VAV3: variants seen among roughly 807,000 people sequenced by gnomAD.
VAV3 encodes vav guanine nucleotide exchange factor 3.
VAV3 carries 94 observed loss-of-function variants against 131.2 expected under a neutral mutation model. The ratio of observed to expected loss-of-function variants is 0.72; its 90% CI spans 0.61 to 0.85. VAV3 has a LOEUF of 0.85. Ranked by LOEUF, VAV3 falls within the 40% of genes least tolerant of loss-of-function variation. The pLI is 0.00. For synonymous variants in VAV3, 349 were observed against 342.0 expected, an observed-to-expected ratio of 1.02 and a Z score of -0.22; for missense variants, 939 against 1,002.7, an observed-to-expected ratio of 0.94 and a Z score of 0.86.
intron 15 of VAV3, among the ~76,000 whole-genome samples, chr1:107,744,408 A>T (rs1392420576): frequency 6.6e-6 from 1 of 152,188 alleles, no homozygotes; most frequent in Non-Finnish European, 1.5e-5. Flanking sequence ...GGTAAATGAG[A>T]ATTGTTAGAA....
chr1:107,592,956 T>A (rs1651083053), intron 25 of VAV3, among the ~76,000 whole-genome samples: 1 of 152,140 alleles, frequency 6.6e-6, no homozygotes, highest in African/African-American at 2.4e-5. Context: ...ACATCTTTCA[T>A]GGAGTCACTG....
At chr1:107,774,444 A>AAC (rs1017373724) in intron 4 of VAV3, among the ~76,000 whole-genome samples, 5 of 152,240 alleles carry the variant, frequency 3.3e-5, no homozygotes, top group Non-Finnish European at 5.9e-5. Flanking sequence ...CACAAACGCA[A>AAC]ACACACACAC....
chr1:107,770,764 A>G, intron 5 of VAV3, 36 bp from the exon 6 acceptor site: 2 of 1,495,572 alleles, frequency 1.3e-6, no homozygotes, highest in Non-Finnish European at 1.8e-6. Context: ...ATGATTTAAT[A>G]AAATCATATA....
At chr1:107,577,970 C>G (rs1198446392) in intron 25 of VAV3, among the ~76,000 whole-genome samples, 1 of 152,194 alleles carries the variant, frequency 6.6e-6, no homozygotes, top group African/African-American at 2.4e-5. Context: ...ACATCATCTT[C>G]CAATATATTC....
chr1:107,669,270 C>A, intron 19 of VAV3: 3 of 1,273,034 alleles, frequency 2.4e-6, no homozygotes, highest in Non-Finnish European at 3.0e-6. Flanking sequence ...TCTTCTTTAT[C>A]CTTCGCTGTG....
At chr1:107,783,447 C>T (rs12754339) in intron 2 of VAV3, among the ~76,000 whole-genome samples, 17,944 of 152,112 alleles carry the variant, frequency 0.12, 1,198 homozygotes, top group Non-Finnish European at 0.14. Context: ...GTAGCTGATG[C>T]TCTGTGAGGG....
rs538146760 is a variant in VAV3, at chr1:107,676,013, A to G, written c.1777+7475T>C. Among the ~76,000 whole-genome samples the G allele has an allele frequency of 1.2e-4, 19 of 152,322 alleles. No individual in the cohort carries two copies. The South Asian group carries it at 1.9e-3, about 15-fold the overall frequency. On this transcript the variant is annotated intron_variant, in intron 19 of 26. Coordinates refer to ENST00000370056, the MANE Select transcript of VAV3 (RefSeq NM_006113.5). The stretch of plus-strand genomic sequence containing the variant: ...ATCAAACAGAGGATCCTACAAATGG[A>G]AAAAGGACAAGGTAGGAGAGGTGGA...
At chr1:107,780,345 A>G (rs562150474) in intron 2 of VAV3, among the ~76,000 whole-genome samples, 6 of 152,284 alleles carry the variant, frequency 3.9e-5, no homozygotes, top group Admixed American at 3.9e-4. Context: ...ATTAACCTTA[A>G]TTATGTTTCA....
chr1:107,754,826 G>C (rs565207066), intron 12 of VAV3, among the ~76,000 whole-genome samples: 1 of 152,088 alleles, frequency 6.6e-6, no homozygotes, highest in African/African-American at 2.4e-5. Flanking sequence ...CTTTCCCCTA[G>C]ATCTTCGTGT....
intron 18 of VAV3, among the ~76,000 whole-genome samples, chr1:107,688,136 TAC>T (rs1237170405): frequency 1.3e-5 from 2 of 152,224 alleles, no homozygotes; most frequent in Non-Finnish European, 2.9e-5. Flanking sequence ...TCCCATTTCA[TAC>T]ACAGTCTTTG....
At chr1:107,920,273 C>T (rs1453866722) in intron 1 of VAV3, among the ~76,000 whole-genome samples, 1 of 152,206 alleles carries the variant, frequency 6.6e-6, no homozygotes, top group East Asian at 1.9e-4. Flanking sequence ...TTAAACCAAG[C>T]TTCACTTAAT....
intron 1 of VAV3, among the ~76,000 whole-genome samples, chr1:107,956,721 G>A (rs189912450): frequency 3.5e-4 from 54 of 152,206 alleles, no homozygotes; most frequent in Admixed American, 2.1e-3. Context: ...CAGATGACTG[G>A]ATGGCCCAAG....
At chr1:107,715,211 C>G (rs1661022266) in intron 15 of VAV3, among the ~76,000 whole-genome samples, 1 of 152,068 alleles carries the variant, frequency 6.6e-6, no homozygotes. Context: ...TGTTTAGAAC[C>G]TGTTCCACCG....
intron 15 of VAV3, among the ~76,000 whole-genome samples, chr1:107,744,031 T>C (rs976789189): frequency 6.6e-6 from 1 of 152,208 alleles, no homozygotes; most frequent in Non-Finnish European, 1.5e-5. Flanking sequence ...GGCTACATTC[T>C]CACTCCCTGC....
chr1:107,965,026 G>A lies in VAV3; in HGVS notation c.-157C>T. 1 of 447,724 alleles carries A rather than the reference G, an allele frequency of 2.2e-6. No homozygotes were observed. The allele number at this position is 447,724 out of a possible 1,614,324, so 27.7% of individuals were successfully genotyped here. ...GAGCAGGAGCCGCGGCTGACGGGTC[G>A]CGGGCGCCGCGCTAGGCTCGGCTCC... On this transcript the variant is annotated 5_prime_UTR_variant, in exon 1 of 27. Coordinates refer to ENST00000370056, the MANE Select transcript of VAV3 (RefSeq NM_006113.5).
chr1:107,643,945 T>C (rs1655539097), intron 19 of VAV3, among the ~76,000 whole-genome samples: 1 of 152,126 alleles, frequency 6.6e-6, no homozygotes, highest in South Asian at 2.1e-4. Context: ...CTGCTGGGAC[T>C]GCTGAGGCTT....
At chr1:107,912,745 GA>G (rs1672429057) in intron 1 of VAV3, among the ~76,000 whole-genome samples, 1 of 152,112 alleles carries the variant, frequency 6.6e-6, no homozygotes, top group Non-Finnish European at 1.5e-5. Context: ...ACCTCTTCTG[GA>G]ACAGCAGGTG....
intron 2 of VAV3, among the ~76,000 whole-genome samples, chr1:107,835,805 A>G (rs1332222624): frequency 6.6e-6 from 1 of 152,140 alleles, no homozygotes; most frequent in Non-Finnish European, 1.5e-5. Context: ...GACCTCTTAC[A>G]TCAACAGACC....
chr1:107,684,625 C>T (rs892972151), intron 18 of VAV3, among the ~76,000 whole-genome samples: 3 of 152,156 alleles, frequency 2.0e-5, no homozygotes, highest in Non-Finnish European at 2.9e-5. Context: ...TTGGTTTTTA[C>T]TCCAACTACT....
Sources: allele counts gnomAD v4.1 joint callset (sites outside exome capture counted in the v4.1 genomes callset), GRCh38; gene constraint gnomAD v4.1.1; transcripts MANE v1.5; gene names NCBI Gene and HGNC (gene_info 2026-07-23, HGNC 2026-07-21).